LINGO2: variants seen among roughly 807,000 people sequenced by gnomAD.
The protein encoded by LINGO2 is leucine-rich repeat and immunoglobulin-like domain-containing nogo receptor-interacting protein 2.
Under a neutral mutation model 30.6 loss-of-function variants are expected in LINGO2, and 14 were observed. That is an observed-to-expected ratio of 0.46 (90% CI 0.30 to 0.72). The LOEUF is 0.72. LINGO2 is among the 30% of genes least tolerant of loss of function. The pLI is 0.07. For synonymous variants in LINGO2, 317 were observed against 288.5 expected, an observed-to-expected ratio of 1.10 and a Z score of -1.00; for missense variants, 729 against 751.7, an observed-to-expected ratio of 0.97 and a Z score of 0.35.
chr9:28,872,498 T>G, the LINGO2 span, among the ~76,000 whole-genome samples: 1 of 152,124 alleles, frequency 6.6e-6, no homozygotes, highest in African/African-American at 2.4e-5. Context: ...TTAGATGTGA[T>G]GGCAAATTCT....
At chr9:28,798,507 T>C in the LINGO2 span, among the ~76,000 whole-genome samples, 2 of 152,124 alleles carry the variant, frequency 1.3e-5, no homozygotes, top group African/African-American at 4.8e-5. Context: ...TGATTCCACT[T>C]ATTTTCTCAT....
At chr9:28,362,231 C>T (rs113380470) in intron 3 of LINGO2, among the ~76,000 whole-genome samples, 214 of 130,680 alleles carry the variant, frequency 1.6e-3, no homozygotes, top group Admixed American at 3.5e-3. Context: ...TGTGTGTGTG[C>T]GCATGCGCAT....
the LINGO2 span, among the ~76,000 whole-genome samples, chr9:28,807,923 A>G: frequency 4.6e-5 from 7 of 152,180 alleles, no homozygotes; most frequent in South Asian, 2.1e-4. Context: ...GAAAGAAGAA[A>G]AAAAATAAGA....
chr9:28,874,128 G>A, the LINGO2 span, among the ~76,000 whole-genome samples: 1 of 151,938 alleles, frequency 6.6e-6, no homozygotes, highest in Non-Finnish European at 1.5e-5. Context: ...TGGATAAAGA[G>A]ATTAAAATAG....
At position 28,511,360 on chromosome 9, in the gene LINGO2, C is replaced by A. The variant is rs139718223; in HGVS notation, c.-364-35335G>T. On this transcript the variant is annotated intron_variant, in intron 1 of 5. Transcript: ENST00000379992. ...CTGAGGAATGGTGCCATATTGAGGG[C>A]TCAGTGTTGGTCTCTGCTGCTGGAA... 2.2e-3 allele frequency among the ~76,000 whole-genome samples: 337 copies of A among 152,240 alleles called. 1 individual carries two copies. Among genetic ancestry groups the A allele is most frequent in the African/African-American group, 7.3e-3 (303 of 41,548 alleles).
chr9:29,001,439 C>G, the LINGO2 span, among the ~76,000 whole-genome samples: 5 of 151,954 alleles, frequency 3.3e-5, no homozygotes, highest in African/African-American at 7.2e-5. Context: ...GTGTACCACA[C>G]TGCTCACTGC....
intron 4 of LINGO2, among the ~76,000 whole-genome samples, chr9:28,258,463 C>T (rs547620527): frequency 6.6e-6 from 1 of 151,980 alleles, no homozygotes; most frequent in Non-Finnish European, 1.5e-5. Context: ...AAAAAGATCA[C>T]TGCAAAAAAA....
intron 5 of LINGO2, among the ~76,000 whole-genome samples, chr9:28,002,314 C>G (rs1822000885): frequency 6.6e-6 from 1 of 151,844 alleles, no homozygotes; most frequent in South Asian, 2.1e-4. Context: ...TATGACAAAC[C>G]CAAGCCTGTA....
At chr9:28,650,142 G>GA (rs1233096177) in intron 1 of LINGO2, among the ~76,000 whole-genome samples, 8 of 151,550 alleles carry the variant, frequency 5.3e-5, no homozygotes, top group African/African-American at 1.9e-4. Context: ...ATTAAGAAAT[G>GA]AAAAAAAAGA....
intron 1 of LINGO2, among the ~76,000 whole-genome samples, chr9:28,549,189 T>C (rs1822131137): frequency 1.3e-5 from 2 of 152,084 alleles, no homozygotes; most frequent in South Asian, 2.1e-4. Context: ...ACAATACATA[T>C]CATTGTTGTG....
chr9:28,741,583 A>T, the LINGO2 span, among the ~76,000 whole-genome samples: 1 of 151,992 alleles, frequency 6.6e-6, no homozygotes, highest in Non-Finnish European at 1.5e-5. Flanking sequence ...GCGCTGGTCC[A>T]GAGCATAGCA....
At chr9:29,182,790 C>T in the LINGO2 span, among the ~76,000 whole-genome samples, 1 of 151,720 alleles carries the variant, frequency 6.6e-6, no homozygotes, top group Non-Finnish European at 1.5e-5. Flanking sequence ...GACAACTCTA[C>T]AGCATTTCAT....
At chr9:28,233,061 T>TATATATATATATATA (rs60875467) in intron 4 of LINGO2, among the ~76,000 whole-genome samples, 4 of 118,824 alleles carry the variant, frequency 3.4e-5, no homozygotes, top group South Asian at 2.6e-4. Context: ...TATATATATA[T>TATATATATATATATA]TAGATATATA....
At chr9:28,735,143 G>A in the LINGO2 span, among the ~76,000 whole-genome samples, 1 of 152,126 alleles carries the variant, frequency 6.6e-6, no homozygotes, top group South Asian at 2.1e-4. Context: ...TTGTTTACAA[G>A]AACTTGAATG....
intron 3 of LINGO2, among the ~76,000 whole-genome samples, chr9:28,298,415 C>T (rs1049652069): frequency 6.6e-6 from 1 of 150,800 alleles, no homozygotes; most frequent in African/African-American, 2.4e-5. Context: ...CCTGTAATCC[C>T]AGCACTTTGG....
At chr9:28,055,334 T>C (rs1484896464) in intron 4 of LINGO2, among the ~76,000 whole-genome samples, 2 of 152,004 alleles carry the variant, frequency 1.3e-5, no homozygotes, top group Non-Finnish European at 2.9e-5. Flanking sequence ...CAGGTACAGG[T>C]GGATGGAAAA....
chr9:28,145,587 C>T (rs1587077747), intron 4 of LINGO2, among the ~76,000 whole-genome samples: 1 of 152,080 alleles, frequency 6.6e-6, no homozygotes, highest in Non-Finnish European at 1.5e-5. Context: ...ACTTGGAAAA[C>T]ATCTGCTCCA....
the LINGO2 span, among the ~76,000 whole-genome samples, chr9:28,878,421 A>T: frequency 1.2e-4 from 18 of 152,080 alleles, no homozygotes; most frequent in Non-Finnish European, 2.2e-4. Context: ...AAGGAGGAAG[A>T]GGTACCATTC....
intron 1 of LINGO2, among the ~76,000 whole-genome samples, chr9:28,590,723 G>C (rs1256823954): frequency 1.3e-5 from 2 of 152,142 alleles, no homozygotes; most frequent in Non-Finnish European, 2.9e-5. Context: ...CTGTAAACTA[G>C]TTCAACCACT....
Sources: allele counts gnomAD v4.1 joint callset (sites outside exome capture counted in the v4.1 genomes callset), GRCh38; gene constraint gnomAD v4.1.1; transcripts MANE v1.5; gene names NCBI Gene and HGNC (gene_info 2026-07-23, HGNC 2026-07-21).